The following RFX1 variants were observed in gnomAD, a reference collection of about 807,000 sequenced individuals.
RFX1 encodes regulatory factor X1.
RFX1 carries 42 observed loss-of-function variants against 119.6 expected under a neutral mutation model. The ratio of observed to expected loss-of-function variants is 0.35; its 90% CI spans 0.27 to 0.45. The LOEUF is 0.45. Among genes scored for constraint, RFX1 ranks in the 20% least tolerant of loss-of-function variants. The probability of loss-of-function intolerance (pLI) is 1.00; values close to 1 mark genes in which losing one functional copy is unlikely to be tolerated. For synonymous variants in RFX1, 628 were observed against 618.5 expected (o/e 1.02, Z -0.23); for missense variants, 1,118 against 1,368.1 (o/e 0.82, Z 2.88).
In RFX1 at chr19:13,969,885, C is replaced by T. The variant is rs1263115707; in HGVS notation, c.1496+109G>A. On this transcript the variant is annotated intron_variant, in intron 10 of 20. Coordinates refer to ENST00000254325, the MANE Select transcript of RFX1 (RefSeq NM_002918.5). This position sits in a 1 kb window ranked among gnomAD's most constrained non-coding sequence, Gnocchi z 4.5. ...GGCTGTCGAGGAGCCTCGCAGAGGC[C>T]GGCGGGACTGGGCTGGACTGGACTG... 20 of 1,156,514 alleles carry T rather than the reference C, an allele frequency of 1.7e-5. 1 individual carries two copies. The highest frequency in any genetic ancestry group is 6.3e-5 in the South Asian group (4 of 63,346). The allele number at this position is 1,156,514 out of a possible 1,614,324, so 71.6% of individuals were successfully genotyped here. A position where few individuals can be genotyped will look rare whatever the true frequency, so the allele number is the denominator to read the frequency against.
At chr19:13,992,070 T>C (rs1974825818) in intron 2 of RFX1, among the ~76,000 whole-genome samples, 1 of 152,034 alleles carries the variant, frequency 6.6e-6, no homozygotes. Context: ...ACCCCTTCCA[T>C]TCCCACTCTG....
intron 8 of RFX1, among the ~76,000 whole-genome samples, chr19:13,973,717 G>A (rs927525604): frequency 1.1e-4 from 16 of 152,084 alleles, no homozygotes; most frequent in African/African-American, 3.9e-4. Flanking sequence ...TGCAACCTCC[G>A]CCTCCTGGGT....
intron 2 of RFX1, among the ~76,000 whole-genome samples, chr19:13,987,895 C>T (rs1355990538): frequency 1.3e-5 from 2 of 152,192 alleles, no homozygotes; most frequent in Non-Finnish European, 1.5e-5. Context: ...GAGTACCCTC[C>T]TGGGAACACT....
chr19:13,963,368 G>A, intron 18 of RFX1, 93 bp from the exon 19 acceptor site: 2 of 1,481,382 alleles, frequency 1.4e-6, no homozygotes, highest in Non-Finnish European at 9.0e-7. Context: ...CCTCGCGCCA[G>A]CCCAGTGACT....
At chr19:13,976,192 A>G (rs1444762706) in intron 8 of RFX1, among the ~76,000 whole-genome samples, 2 of 152,242 alleles carry the variant, frequency 1.3e-5, no homozygotes, top group Non-Finnish European at 2.9e-5. Context: ...CTCACGATTT[A>G]GATGCCTGGA....
chr19:13,964,713 C>T (rs1189569858), intron 16 of RFX1, among the ~76,000 whole-genome samples: 2 of 152,076 alleles, frequency 1.3e-5, no homozygotes, highest in Non-Finnish European at 2.9e-5. Context: ...AACTCCTGAC[C>T]TCAAGTGATC....
chr19:13,962,916 G>C, intron 20 of RFX1, 52 bp from the exon 21 acceptor site: 1 of 1,543,430 alleles, frequency 6.5e-7, no homozygotes. Context: ...ACGCCCCCGG[G>C]CTCCTCCTCC....
At position 13,965,160 on chromosome 19, in the gene RFX1, G is replaced by C. The variant is rs1466150694; in HGVS notation, c.2211+289C>G. ...ACCTGAAGCACTTTCTAGCAAGGCT[G>C]TCTAAAGGGAACTACTGTACATTTG... On this transcript the variant is annotated intron_variant, in intron 16 of 20. Transcript: ENST00000254325. This position sits in a 1 kb window ranked among gnomAD's most constrained non-coding sequence, Gnocchi z 4.7. Among the ~76,000 whole-genome samples, 1 of 152,230 alleles carries C rather than the reference G, an allele frequency of 6.6e-6. No individual in the cohort carries two copies. Among genetic ancestry groups the C allele is most frequent in the African/African-American group, 2.4e-5 (1 of 41,460 alleles).
intron 1 of RFX1, among the ~76,000 whole-genome samples, chr19:14,000,311 C>T (rs896938152): frequency 6.6e-6 from 1 of 152,046 alleles, no homozygotes; most frequent in African/African-American, 2.4e-5. Flanking sequence ...CATGGCGAAA[C>T]CCCGTCTCTA....
rs777755258 is a variant in RFX1, at chr19:13,968,694, G to T, written c.1617-14C>A. On this transcript the variant is annotated splice_polypyrimidine_tract_variant and intron_variant, in intron 11 of 20. Transcript: ENST00000254325. This position sits in a 1 kb window ranked among gnomAD's most constrained non-coding sequence, Gnocchi z 5.5. ...ATGGGCTTGAGCCTGGAGTAGAATG[G>T]GCAGGTGGGCCGGCTGCTGGGGGCC... 3.1e-6 allele frequency: 5 copies of T among 1,612,222 alleles called. No individual in the cohort carries two copies. In the East Asian group the frequency reaches 1.1e-4, roughly 36 times the overall value.
chr19:13,996,435 C>T (rs1568482436), intron 1 of RFX1, among the ~76,000 whole-genome samples: 1 of 152,246 alleles, frequency 6.6e-6, no homozygotes, highest in African/African-American at 2.4e-5. Flanking sequence ...GATGGCCCTC[C>T]AGCCGCAGGG....
In RFX1 at chr19:13,961,887, C is replaced by T. The variant is rs1293004238; in HGVS notation, c.*808G>A. ...CGGCGCTCACGAATCGCACAATAGTCATGGGGTGGGGGTCGCACGGCACGG... is the reference window on the plus strand; with the variant it reads ...CGGCGCTCACGAATCGCACAATAGTTATGGGGTGGGGGTCGCACGGCACGG... On this transcript the variant is annotated 3_prime_UTR_variant, in exon 21 of 21. Coordinates refer to ENST00000254325, the MANE Select transcript of RFX1 (RefSeq NM_002918.5). The T allele has an allele frequency of 2.0e-5, 3 of 152,310 alleles. No homozygotes were observed. Among genetic ancestry groups the T allele is most frequent in the Admixed American group, 6.5e-5 (1 of 15,288 alleles). 9.4% of individuals were successfully genotyped at this position (152,310 alleles called of 1,614,324 possible). A position where few individuals can be genotyped will look rare whatever the true frequency, so the allele number is the denominator to read the frequency against.
chr19:13,983,569 C>G lies in RFX1; in HGVS notation c.346G>C (p.Val116Leu), dbSNP rs367668632. ...GTGGAGCCGGGGCTGGCCTCCGACA[C>G]TGTCTCGCTGGCCCGCATGGCACCT... ...SEGAMRASET[V>L]SEASPGSTAS... Residue 116 changes from valine to leucine, a missense_variant, in exon 3 of 21, where the codon GTG becomes CTG. By Grantham distance (32) the Val-to-Leu change is conservative (BLOSUM62 1). This residue lies in a region of RFX1 where 542 missense variants were observed against 602.7 expected (regional missense o/e 0.90). Coordinates refer to ENST00000254325, the MANE Select transcript of RFX1 (RefSeq NM_002918.5). 1.5e-5 allele frequency: 24 copies of G among 1,608,662 alleles called. No homozygotes were observed. The highest frequency in any genetic ancestry group is 2.0e-5 in the Non-Finnish European group (24 of 1,178,882).
intron 1 of RFX1, among the ~76,000 whole-genome samples, chr19:14,001,440 G>A (rs574962989): frequency 9.9e-5 from 15 of 152,186 alleles, no homozygotes; most frequent in South Asian, 2.1e-4. Context: ...ATATGGGAAC[G>A]CAGGCCTGTG....
In RFX1 at chr19:13,989,022, A is replaced by AAAAC. The variant is rs149113405; in HGVS notation, c.319+4499_319+4502dup. On this transcript the variant is annotated intron_variant, in intron 2 of 20. Transcript: ENST00000254325. ...GGTGACACAGCGAGACTTTGTCTCA[A>AAAAC]AAACAAACAAACAAGAAGACAGAGA... Among the ~76,000 whole-genome samples, 792 of 152,280 alleles carry AAAAC rather than the reference A, an allele frequency of 5.2e-3. 11 individuals carry two copies. The highest frequency in any genetic ancestry group is 0.018 in the African/African-American group (741 of 41,560).
intron 2 of RFX1, among the ~76,000 whole-genome samples, chr19:13,984,079 G>C (rs1216087953): frequency 6.6e-6 from 1 of 151,490 alleles, no homozygotes; most frequent in African/African-American, 2.4e-5. Flanking sequence ...CTAGCCTGTG[G>C]CCAAGTCCTC....
Position 13,969,721 on chromosome 19 carries a change from T to A in RFX1, c.1496+273A>T. On this transcript the variant is annotated intron_variant, in intron 10 of 20. Transcript: ENST00000254325. The surrounding 1 kb of genome is among the most constrained non-coding windows in gnomAD (Gnocchi z 4.5). ...TGCTAAAGAGAAAAATAAAGCAGGG[T>A]TGGGGGGTGTCGGGCAGGGGAGAGG... 2.7e-6 allele frequency: 1 copy of A among 369,278 alleles called. No individual in the cohort carries two copies. Among genetic ancestry groups the A allele is most frequent in the Non-Finnish European group, 4.8e-6 (1 of 207,028 alleles). 22.9% of individuals were successfully genotyped at this position (369,278 alleles called of 1,614,324 possible). A position where few individuals can be genotyped will look rare whatever the true frequency, so the allele number is the denominator to read the frequency against.
intron 1 of RFX1, among the ~76,000 whole-genome samples, chr19:14,000,524 G>C (rs1421190687): frequency 6.6e-6 from 1 of 152,058 alleles, no homozygotes; most frequent in Non-Finnish European, 1.5e-5. Flanking sequence ...ATGACTGGGC[G>C]CAGTGCTCAC....
Position 13,968,621 on chromosome 19 carries a change from G to A in RFX1, c.1676C>T (p.Pro559Leu), listed in dbSNP as rs759713486. Residue 559 changes from proline (P) to leucine (L), a missense_variant, in exon 12 of 21, where the codon CCG becomes CTG. This residue lies in a region of RFX1 where 338 missense variants were observed against 508.9 expected (regional missense o/e 0.66). Transcript: ENST00000254325. The surrounding 1 kb of genome is among the most constrained non-coding windows in gnomAD (Gnocchi z 5.5). ...MTNGVAVGQQ[P>L]STGLSDISAQ... Reference sequence around the variant, plus strand: ...GCTGATGTCCGACAGCCCCGTGCTCGGCTGCTGCCCCACCGCCACGCCGTT... The same window carrying A: ...GCTGATGTCCGACAGCCCCGTGCTCAGCTGCTGCCCCACCGCCACGCCGTT... The A allele has an allele frequency of 1.7e-5, 28 of 1,613,150 alleles. No homozygotes were observed. Among genetic ancestry groups the A allele is most frequent in the Admixed American group, 3.3e-5 (2 of 60,004 alleles).
Sources: gnomAD v4.1 joint callset for allele counts (sites outside exome capture counted in the v4.1 genomes callset) on GRCh38, gnomAD v4.1.1 for gene constraint, gnomAD v4.1.1 regional missense constraint, Gnocchi (gnomAD v3.1) non-coding constraint, MANE v1.5 for transcripts, NCBI Gene and HGNC (gene_info 2026-07-23, HGNC 2026-07-21) for gene names.